The following DLG2 variants were observed in gnomAD, a reference collection of about 807,000 sequenced individuals.
The protein encoded by DLG2 is discs large MAGUK scaffold protein 2, also known as disks large homolog 2.
Under a neutral mutation model 132.5 loss-of-function variants are expected in DLG2, and 45 were observed. The ratio of observed to expected loss-of-function variants is 0.34; its 90% CI spans 0.27 to 0.44. The LOEUF is 0.44. DLG2 is among the 20% of genes least tolerant of loss of function. The probability of loss-of-function intolerance (pLI) is 1.00; values close to 1 mark genes in which losing one functional copy is unlikely to be tolerated. For synonymous variants in DLG2, 424 were observed against 419.6 expected (o/e 1.01, Z -0.13); for missense variants, 1,045 against 1,196.9 (o/e 0.87, Z 1.87).
intron 6 of DLG2, among the ~76,000 whole-genome samples, chr11:84,849,286 T>C (rs2081896932): frequency 6.6e-6 from 1 of 152,174 alleles, no homozygotes; most frequent in East Asian, 1.9e-4. Flanking sequence ...TTTAGAGTAG[T>C]TTGCTATATA....
chr11:84,032,821 T>A (rs536414541), intron 11 of DLG2, among the ~76,000 whole-genome samples: 1 of 152,250 alleles, frequency 6.6e-6, no homozygotes, highest in Non-Finnish European at 1.5e-5. Context: ...TGGAAGCCAA[T>A]GCTTATTTAC....
intron 18 of DLG2, among the ~76,000 whole-genome samples, chr11:83,712,440 C>A (rs2085664069): frequency 6.6e-6 from 1 of 151,898 alleles, no homozygotes; most frequent in African/African-American, 2.4e-5. Context: ...ACCAGCCTAA[C>A]CAACATGGTG....
At chr11:84,438,133 G>A (rs1602118188) in intron 7 of DLG2, among the ~76,000 whole-genome samples, 2 of 152,206 alleles carry the variant, frequency 1.3e-5, no homozygotes, top group East Asian at 3.9e-4. Context: ...CTGTTAGGGT[G>A]ACTGGAAACA....
intron 6 of DLG2, among the ~76,000 whole-genome samples, chr11:84,974,176 A>G (rs2054539164): frequency 6.6e-6 from 1 of 152,214 alleles, no homozygotes; most frequent in Admixed American, 6.5e-5. Context: ...CTTGAAAGGG[A>G]GAAGAAAATG....
chr11:83,891,661 C>A (rs1002283384), intron 15 of DLG2, among the ~76,000 whole-genome samples: 1 of 152,150 alleles, frequency 6.6e-6, no homozygotes, highest in South Asian at 2.1e-4. Flanking sequence ...CCAGTCCTTA[C>A]AGAGCCATTC....
intron 18 of DLG2, among the ~76,000 whole-genome samples, chr11:83,729,764 G>A (rs1175291264): frequency 6.6e-6 from 1 of 152,264 alleles, no homozygotes; most frequent in East Asian, 1.9e-4. Flanking sequence ...AAGTTGAATT[G>A]GCAGTCTTTG....
At chr11:84,981,239 A>C (rs1483850047) in intron 6 of DLG2, among the ~76,000 whole-genome samples, 3 of 152,232 alleles carry the variant, frequency 2.0e-5, no homozygotes, top group Non-Finnish European at 2.9e-5. Flanking sequence ...ATTTTGAGAA[A>C]AAATCAATAT....
intron 11 of DLG2, among the ~76,000 whole-genome samples, chr11:84,051,105 A>G (rs1365401602): frequency 6.6e-6 from 1 of 151,970 alleles, no homozygotes; most frequent in Non-Finnish European, 1.5e-5. Flanking sequence ...AATGGCGATC[A>G]TTAAAAAGAC....
intron 20 of DLG2, among the ~76,000 whole-genome samples, chr11:83,539,507 T>G (rs2095997223): frequency 6.6e-6 from 1 of 152,104 alleles, no homozygotes; most frequent in African/African-American, 2.4e-5. Flanking sequence ...ATTTTTATGT[T>G]TTTCTAAATG....
At chr11:84,637,177 G>A (rs934201964) in intron 6 of DLG2, among the ~76,000 whole-genome samples, 29 of 152,164 alleles carry the variant, frequency 1.9e-4, no homozygotes, top group Non-Finnish European at 4.1e-4. Flanking sequence ...GGCTTTGCAG[G>A]CCAGAGGACA....
chr11:84,572,612 T>C (rs2099488114), intron 6 of DLG2, among the ~76,000 whole-genome samples: 1 of 152,070 alleles, frequency 6.6e-6, no homozygotes, highest in African/African-American at 2.4e-5. Context: ...GAGAGGCAAA[T>C]TCACTAGGGG....
intron 3 of DLG2, among the ~76,000 whole-genome samples, chr11:85,515,607 T>C (rs1022295842): frequency 4.6e-5 from 7 of 152,146 alleles, no homozygotes; most frequent in East Asian, 1.9e-4. Flanking sequence ...ACCATTATTA[T>C]TGATTTTCAG....
At chr11:84,460,128 T>C (rs1315169475) in intron 7 of DLG2, among the ~76,000 whole-genome samples, 1 of 150,612 alleles carries the variant, frequency 6.6e-6, no homozygotes, top group African/African-American at 2.4e-5. Context: ...TACTTTTTTA[T>C]TTTTTTGATC....
At chr11:84,382,298 T>C (rs1466394662) in intron 7 of DLG2, among the ~76,000 whole-genome samples, 1 of 152,122 alleles carries the variant, frequency 6.6e-6, no homozygotes, top group Non-Finnish European at 1.5e-5. Flanking sequence ...GTCATCAAAC[T>C]AGTACCTTCT....
intron 7 of DLG2, among the ~76,000 whole-genome samples, chr11:84,287,403 T>TG (rs1472525254): frequency 6.6e-6 from 1 of 152,098 alleles, no homozygotes; most frequent in African/African-American, 2.4e-5. Flanking sequence ...TAGATAGTGT[T>TG]GGGGGGCCAG....
chr11:84,850,167 T>C (rs1471693526), intron 6 of DLG2, among the ~76,000 whole-genome samples: 3 of 152,124 alleles, frequency 2.0e-5, no homozygotes, highest in African/African-American at 4.8e-5. Context: ...CTTGAAGATA[T>C]ATGTTGCCCT....
At chr11:84,478,993 A>C (rs534751943) in intron 7 of DLG2, among the ~76,000 whole-genome samples, 1 of 152,012 alleles carries the variant, frequency 6.6e-6, no homozygotes, top group African/African-American at 2.4e-5. Context: ...GTAAAATACT[A>C]CTCCTTTAGT....
intron 6 of DLG2, among the ~76,000 whole-genome samples, chr11:84,745,556 A>G (rs75912192): frequency 0.016 from 2,438 of 152,270 alleles, 35 homozygotes; most frequent in African/African-American, 0.035. Flanking sequence ...AGTCTCAGGT[A>G]TTTATTTGCA....
chr11:83,468,826 T>C (rs2136384020), intron 25 of DLG2, among the ~76,000 whole-genome samples: 1 of 152,262 alleles, frequency 6.6e-6, no homozygotes, highest in East Asian at 1.9e-4. Context: ...ACCATGAGGA[T>C]GTCAAGTTTT....
Sources: gnomAD v4.1 joint callset for allele counts (sites outside exome capture counted in the v4.1 genomes callset) on GRCh38, gnomAD v4.1.1 for gene constraint, MANE v1.5 for transcripts, NCBI Gene and HGNC (gene_info 2026-07-23, HGNC 2026-07-21) for gene names.